TEAD4: variants seen among roughly 807,000 people sequenced by gnomAD.
The protein encoded by TEAD4 is transcriptional enhancer factor TEF-3.
TEAD4 carries 36 observed loss-of-function variants against 52.4 expected under a neutral mutation model. The ratio of observed to expected loss-of-function variants is 0.69; its 90% CI spans 0.53 to 0.91. The LOEUF is 0.91. TEAD4 is among the 40% of genes least tolerant of loss of function. TEAD4 has a pLI of 0.00. For synonymous variants in TEAD4, 220 were observed against 231.0 expected, an observed-to-expected ratio of 0.95 and a Z score of 0.43; for missense variants, 508 against 583.9, an observed-to-expected ratio of 0.87 and a Z score of 1.34.
intron 3 of TEAD4, among the ~76,000 whole-genome samples, chr12:3,004,381 C>A (rs536216318): frequency 6.6e-6 from 1 of 152,236 alleles, no homozygotes. Context: ...GTGAATAAGT[C>A]ATTTCCCCTC....
At chr12:2,961,769 G>T (rs1040322860) in intron 2 of TEAD4, among the ~76,000 whole-genome samples, 3 of 152,140 alleles carry the variant, frequency 2.0e-5, no homozygotes, top group African/African-American at 7.2e-5. Flanking sequence ...GCTTATTTCA[G>T]TAAGAACCCC....
At chr12:3,016,481 C>G (rs968032682) in intron 5 of TEAD4, among the ~76,000 whole-genome samples, 1 of 151,892 alleles carries the variant, frequency 6.6e-6, no homozygotes, top group African/African-American at 2.4e-5. Context: ...AACGCATGCC[C>G]GTGGTCCCAG....
rs1394515961 is a variant in TEAD4, at chr12:3,012,210, G to T, written c.332G>T (p.Arg111Leu). The change falls in exon 5 of 13, where the codon CGC becomes CTC. Residue 111 changes from arginine (R) to leucine (L), a missense_variant. Transcript: ENST00000359864. ...CAGGTGCTGGCTCGTCGCAAAGCTC[G>T]CGAGATCCAGGCCAAGCTAAAGGTA... The T allele has an allele frequency of 1.9e-6, 3 of 1,614,084 alleles. No homozygotes were observed. The highest frequency in any genetic ancestry group is 1.3e-5 in the African/African-American group (1 of 75,034).
At position 3,019,976 on chromosome 12, in the gene TEAD4, C is replaced by T. The variant is rs112290598; in HGVS notation, c.584-658C>T. 3.3e-3 allele frequency among the ~76,000 whole-genome samples: 500 copies of T among 152,338 alleles called. 4 individuals carry two copies. The highest frequency in any genetic ancestry group is 0.011 in the African/African-American group (459 of 41,582). On this transcript the variant is annotated intron_variant, in intron 8 of 12. Transcript: ENST00000359864. ...TGCCTGCGTTCCTGCAGCAGCCTCT[C>T]CACCGGCTCGCTGTCCCGTCTCACC...
At chr12:3,001,333 A>G (rs571172317) in intron 3 of TEAD4, among the ~76,000 whole-genome samples, 7 of 152,340 alleles carry the variant, frequency 4.6e-5, no homozygotes, top group Admixed American at 1.3e-4. Context: ...CATCATCACC[A>G]TCCATTTCCA....
chr12:2,985,680 A>G (rs868279028), intron 2 of TEAD4, among the ~76,000 whole-genome samples: 1 of 151,124 alleles, frequency 6.6e-6, no homozygotes, highest in South Asian at 2.1e-4. Context: ...TAATTTTTGT[A>G]TTTTTAGTAG....
Position 3,021,991 on chromosome 12 carries a change from A to C in TEAD4, c.871A>C (p.Asn291His). The C allele has an allele frequency of 6.2e-7, 1 of 1,614,186 alleles. No homozygotes were observed. Among genetic ancestry groups the C allele is most frequent in the Non-Finnish European group, 8.5e-7 (1 of 1,180,014 alleles). The change falls in exon 10 of 13, where the codon AAT becomes CAT. Residue 291 changes from asparagine (N) to histidine (H), a missense_variant. Transcript: ENST00000359864. ...GGATCTCTTCGAACGGGGACCCTCC[A>C]ATGCCTTTTTTCTTGTGAAGTTCTG... is the stretch of plus-strand genomic sequence containing the variant.
intron 3 of TEAD4, among the ~76,000 whole-genome samples, chr12:3,004,852 G>A (rs7966489): frequency 0.2 from 30,422 of 152,094 alleles, 4,029 homozygotes; most frequent in African/African-American, 0.38. Flanking sequence ...AGATGGCTGC[G>A]TTGACCTCTA....
At chr12:3,003,267 G>C (rs374449525) in intron 3 of TEAD4, among the ~76,000 whole-genome samples, 18 of 152,290 alleles carry the variant, frequency 1.2e-4, no homozygotes, top group Middle Eastern at 3.4e-3. Context: ...AAAGCTAATA[G>C]CATTCGTTAT....
At chr12:2,962,531 C>A (rs964162271) in intron 2 of TEAD4, among the ~76,000 whole-genome samples, 1 of 151,658 alleles carries the variant, frequency 6.6e-6, no homozygotes, top group Non-Finnish European at 1.5e-5. Context: ...GACGGAGTTT[C>A]TCCATGTTGG....
intron 10 of TEAD4, among the ~76,000 whole-genome samples, chr12:3,029,126 T>C (rs146331764): frequency 8.3e-4 from 126 of 152,004 alleles, no homozygotes; most frequent in African/African-American, 2.8e-3. Context: ...TGGAGTGCAC[T>C]GGCATGATTA....
At position 3,040,218 on chromosome 12, in the gene TEAD4, T is replaced by C. The variant is rs568432444; in HGVS notation, c.1150T>C (p.Tyr384His). The change falls in exon 12 of 13, where the codon TAC becomes CAC. Residue 384 changes from tyrosine (Y) to histidine (H), a missense_variant. Transcript: ENST00000359864. ...CAAGCTCAAGCACCTCCCTGAGAAG[T>C]ACATGATGAACAGCGTGCTGGAGAA... The C allele has an allele frequency of 1.9e-6, 3 of 1,614,202 alleles. No individual in the cohort carries two copies. The highest frequency in any genetic ancestry group is 4.5e-5 in the East Asian group (2 of 44,878).
intron 11 of TEAD4, among the ~76,000 whole-genome samples, chr12:3,039,369 A>G (rs1018931547): frequency 2.6e-5 from 4 of 152,246 alleles, no homozygotes; most frequent in Admixed American, 1.3e-4. Context: ...CATATCTTGC[A>G]TAACTAGAGT....
At chr12:2,992,693 T>C (rs538120504) in intron 2 of TEAD4, among the ~76,000 whole-genome samples, 79 of 151,918 alleles carry the variant, frequency 5.2e-4, no homozygotes, top group Non-Finnish European at 9.0e-4. Flanking sequence ...GGACGGGCAA[T>C]GTGTGTGACG....
chr12:2,974,732 C>A (rs952441898), intron 2 of TEAD4, among the ~76,000 whole-genome samples: 1 of 152,144 alleles, frequency 6.6e-6, no homozygotes, highest in Non-Finnish European at 1.5e-5. Flanking sequence ...GGGCGTGCAC[C>A]GAGGCCCCAC....
At chr12:3,019,194 C>A (rs1299508407) in intron 8 of TEAD4, 24 bp downstream of exon 8, 2 of 1,612,698 alleles carry the variant, frequency 1.2e-6, no homozygotes, top group Non-Finnish European at 1.7e-6. Flanking sequence ...GCGTGGCCCC[C>A]TTTCTATCGC....
In TEAD4 at chr12:3,040,604, C is replaced by T. The variant is rs1256216997; in HGVS notation, c.*126C>T. 1.2e-6 allele frequency: 1 copy of T among 801,748 alleles called. No homozygotes were observed. The highest frequency in any genetic ancestry group is 2.7e-5 in the East Asian group (1 of 37,358). 49.7% of individuals were successfully genotyped at this position (801,748 alleles called of 1,614,324 possible). On this transcript the variant is annotated 3_prime_UTR_variant, in exon 13 of 13. Transcript: ENST00000359864. ...TGAGAGGAGCAGTTGTGACTCTACC[C>T]AGGAACAAACTGTGCCTGAACCTGA...
chr12:3,033,247 C>T (rs1162614576), intron 10 of TEAD4, among the ~76,000 whole-genome samples: 2 of 152,208 alleles, frequency 1.3e-5, no homozygotes, highest in African/African-American at 2.4e-5. Flanking sequence ...CATAGACTCT[C>T]GGACTGCTGG....
intron 3 of TEAD4, among the ~76,000 whole-genome samples, chr12:3,010,574 C>T (rs12317624): frequency 0.017 from 2,595 of 152,288 alleles, 77 homozygotes; most frequent in African/African-American, 0.059. Flanking sequence ...TTTACAGAGG[C>T]GGAGGGCACG....
Sources: allele counts gnomAD v4.1 joint callset (sites outside exome capture counted in the v4.1 genomes callset), GRCh38; gene constraint gnomAD v4.1.1; transcripts MANE v1.5; gene names NCBI Gene and HGNC (gene_info 2026-07-23, HGNC 2026-07-21).